PKIB: variants seen among roughly 807,000 people sequenced by gnomAD.
PKIB encodes cAMP-dependent protein kinase inhibitor beta.
In PKIB, 2 loss-of-function variants were observed where a neutral mutation model predicts 4.5. The ratio of observed to expected loss-of-function variants is 0.44; its 90% CI spans 0.18 to 1.39. The LOEUF (loss-of-function observed/expected upper bound fraction) is 1.39, where lower values mean the gene tolerates loss of function less well. Ranked by LOEUF, PKIB falls within the 40% of genes most tolerant of loss-of-function variation. PKIB has a pLI of 0.27. For synonymous variants in PKIB, 38 were observed against 36.0 expected (o/e 1.06, Z -0.20); for missense variants, 94 against 92.6 (o/e 1.02, Z -0.06).
chr6:122,529,639 G>T (rs1228276402), intron 2 of PKIB, among the ~76,000 whole-genome samples: 1 of 152,056 alleles, frequency 6.6e-6, no homozygotes, highest in Non-Finnish European at 1.5e-5. Flanking sequence ...CTCACCTTTT[G>T]CTTGGTCTGG....
intron 3 of PKIB, among the ~76,000 whole-genome samples, chr6:122,693,772 T>A (rs1778445054): frequency 6.6e-6 from 1 of 152,176 alleles, no homozygotes; most frequent in Non-Finnish European, 1.5e-5. Context: ...GAGATTTTAG[T>A]CTTCTGGGGA....
intron 3 of PKIB, among the ~76,000 whole-genome samples, chr6:122,716,317 A>T (rs1402122933): frequency 6.6e-6 from 1 of 152,172 alleles, no homozygotes; most frequent in Non-Finnish European, 1.5e-5. Context: ...AATTAAATGG[A>T]TTGAACAATA....
At position 122,538,771 on chromosome 6, in the gene PKIB, A is replaced by G. The variant is rs933134187; in HGVS notation, c.-247-47150A>G. ...TTGAATCTATAAATTACCTTGGGCA[A>G]TATGGCCATTTTCACAATATTGATT... On this transcript the variant is annotated intron_variant, in intron 2 of 6. Coordinates refer to the PKIB transcript ENST00000392491. 1.1e-4 allele frequency among the ~76,000 whole-genome samples: 16 copies of G among 152,024 alleles called. No homozygotes were observed. The South Asian group carries it at 1.9e-3, about 18-fold the overall frequency.
At chr6:122,514,567 A>G (rs557441152) in intron 2 of PKIB, among the ~76,000 whole-genome samples, 2 of 152,340 alleles carry the variant, frequency 1.3e-5, no homozygotes, top group Admixed American at 6.5e-5. Flanking sequence ...ATGTTTAAAG[A>G]CAATACAAAA....
At position 122,533,722 on chromosome 6, in the gene PKIB, G is replaced by A. The variant is rs539195048; in HGVS notation, c.-247-52199G>A. ...AACAAGAACAATTTACAACTCTAAA[G>A]CTAACTCGTGAGAACATTGCCTGAT... On this transcript the variant is annotated intron_variant, in intron 2 of 6. Coordinates refer to the PKIB transcript ENST00000392491. 2.6e-5 allele frequency among the ~76,000 whole-genome samples: 4 copies of A among 152,240 alleles called. No homozygotes were observed. The East Asian group carries it at 5.8e-4, about 22-fold the overall frequency.
chr6:122,709,280 C>A (rs756552180), intron 3 of PKIB, among the ~76,000 whole-genome samples: 6 of 152,120 alleles, frequency 3.9e-5, no homozygotes, highest in Non-Finnish European at 5.9e-5. Context: ...TCCCATTGCT[C>A]CATATAGACC....
intron 1 of PKIB, among the ~76,000 whole-genome samples, chr6:122,628,268 C>T (rs1371348548): frequency 1.3e-5 from 2 of 152,336 alleles, no homozygotes; most frequent in Admixed American, 1.3e-4. Flanking sequence ...AACTCCCGAC[C>T]TCAGGTGATC....
chr6:122,628,608 A>G (rs928294748), intron 1 of PKIB, among the ~76,000 whole-genome samples: 6 of 152,236 alleles, frequency 3.9e-5, no homozygotes, highest in African/African-American at 1.4e-4. Flanking sequence ...ATTAATAGCT[A>G]GTATAAATGT....
chr6:122,721,594 C>T (rs920514871), intron 4 of PKIB, among the ~76,000 whole-genome samples: 13 of 151,734 alleles, frequency 8.6e-5, no homozygotes, highest in African/African-American at 2.9e-4. Context: ...AAAAATGTGA[C>T]AAGGAGTAGA....
At chr6:122,682,226 A>G (rs1777922599) in intron 3 of PKIB, among the ~76,000 whole-genome samples, 1 of 152,050 alleles carries the variant, frequency 6.6e-6, no homozygotes, top group Non-Finnish European at 1.5e-5. Context: ...TGAGTTAGAG[A>G]GTAAAATTAT....
chr6:122,722,027 G>C (rs1462510230), intron 4 of PKIB, among the ~76,000 whole-genome samples: 2 of 152,094 alleles, frequency 1.3e-5, no homozygotes, highest in Admixed American at 6.6e-5. Context: ...GAGAAATTAT[G>C]TTGGAAGAAT....
intron 3 of PKIB, among the ~76,000 whole-genome samples, chr6:122,704,181 TTCTC>T (rs1778958249): frequency 6.6e-6 from 1 of 152,044 alleles, no homozygotes; most frequent in Non-Finnish European, 1.5e-5. Flanking sequence ...GAAATTCTCC[TTCTC>T]TCTATCTTTT....
At chr6:122,556,367 G>A (rs1772840680) in intron 2 of PKIB, among the ~76,000 whole-genome samples, 1 of 152,136 alleles carries the variant, frequency 6.6e-6, no homozygotes, top group Non-Finnish European at 1.5e-5. Flanking sequence ...CTAATACACA[G>A]GACAAGTTAC....
intron 3 of PKIB, among the ~76,000 whole-genome samples, chr6:122,602,314 G>A (rs1183612183): frequency 6.6e-6 from 1 of 152,146 alleles, no homozygotes; most frequent in African/African-American, 2.4e-5. Context: ...AGCTCAAGTG[G>A]TTGGGAATGG....
chr6:122,628,255 TC>T (rs1293017586), intron 1 of PKIB, among the ~76,000 whole-genome samples: 1 of 152,214 alleles, frequency 6.6e-6, no homozygotes, highest in Non-Finnish European at 1.5e-5. Flanking sequence ...CAGGCTGGTC[TC>T]AAACTCCCGA....
At chr6:122,621,842 C>T (rs1775241730) in intron 1 of PKIB, among the ~76,000 whole-genome samples, 1 of 152,098 alleles carries the variant, frequency 6.6e-6, no homozygotes, top group Admixed American at 6.6e-5. Flanking sequence ...GCCCATGTCC[C>T]TCAGAGCACA....
chr6:122,710,812 C>A (rs530537308), intron 3 of PKIB, among the ~76,000 whole-genome samples: 1 of 152,214 alleles, frequency 6.6e-6, no homozygotes, highest in South Asian at 2.1e-4. Flanking sequence ...TGAACCCTAA[C>A]TTCTTTAAGC....
chr6:122,657,220 C>G (rs763751141), intron 2 of PKIB, among the ~76,000 whole-genome samples: 2 of 152,102 alleles, frequency 1.3e-5, no homozygotes, highest in Non-Finnish European at 2.9e-5. Context: ...GAATGATGAC[C>G]AAAGCTTTCA....
At chr6:122,657,380 G>A (rs1046856691) in intron 2 of PKIB, among the ~76,000 whole-genome samples, 7 of 152,114 alleles carry the variant, frequency 4.6e-5, no homozygotes, top group Admixed American at 1.3e-4. Flanking sequence ...CCGTTGGCTT[G>A]CAATAGATGT....
Sources: gnomAD v4.1 joint callset for allele counts (sites outside exome capture counted in the v4.1 genomes callset) on GRCh38, gnomAD v4.1.1 for gene constraint, MANE v1.5 for transcripts, NCBI Gene and HGNC (gene_info 2026-07-23, HGNC 2026-07-21) for gene names.